ANO2: variants seen among roughly 807,000 people sequenced by gnomAD.
The protein encoded by ANO2 is anoctamin-2.
ANO2 carries 101 observed loss-of-function variants against 124.2 expected under a neutral mutation model. That is an observed-to-expected ratio of 0.81 (90% confidence interval 0.69 to 0.96). ANO2 has a LOEUF of 0.96. Among genes scored for constraint, ANO2 ranks in the 40% least tolerant of loss-of-function variants. The pLI is 0.00. For synonymous variants in ANO2, 486 were observed against 482.5 expected (o/e 1.01, Z -0.09); for missense variants, 1,293 against 1,274.5 (o/e 1.01, Z -0.22).
At chr12:5,612,878 G>A (rs1246976310) in intron 18 of ANO2, 23 bp downstream of exon 18, 1 of 1,613,688 alleles carries the variant, frequency 6.2e-7, no homozygotes, top group Non-Finnish European at 8.5e-7. Context: ...TGCCAGGCAT[G>A]AAACACCAGT....
intron 16 of ANO2, among the ~76,000 whole-genome samples, chr12:5,624,948 A>G (rs571229054): frequency 1.3e-5 from 2 of 152,278 alleles, no homozygotes; most frequent in African/African-American, 4.8e-5. Flanking sequence ...AGGGGGACGC[A>G]TCAGCCTGGG....
At position 5,704,717 on chromosome 12, in the gene ANO2, G is replaced by A. The variant is rs543160615; in HGVS notation, c.1545+27803C>T. 2.6e-5 allele frequency among the ~76,000 whole-genome samples: 4 copies of A among 151,942 alleles called. No homozygotes were observed. The East Asian group carries it at 7.7e-4, about 29-fold the overall frequency. On this transcript the variant is annotated intron_variant, in intron 14 of 24. Transcript: ENST00000682330. ...TGTGTATGTGTGTGTGTGTGTGTGT[G>A]TGTGTATCCAAAACACAGACATCCT...
rs1046006004 is a variant in ANO2, at chr12:5,876,641, T to C, written c.535-22500A>G. ...GTGGCACATATACACCATGGAACAC[T>C]ATGCAGCCATAAAAAAGATGAGTTA... On this transcript the variant is annotated intron_variant, in intron 3 of 24. Transcript: ENST00000682330. Among the ~76,000 whole-genome samples, 8 of 152,304 alleles carry C rather than the reference T, an allele frequency of 5.3e-5. No homozygotes were observed. The South Asian group carries it at 1.7e-3, about 32-fold the overall frequency.
chr12:5,778,715 T>A (rs769454784), intron 10 of ANO2, among the ~76,000 whole-genome samples: 17 of 152,184 alleles, frequency 1.1e-4, no homozygotes, highest in Non-Finnish European at 2.5e-4. Context: ...GAAAGTGTAA[T>A]GAACAATATG....
chr12:5,768,790 CT>C (rs1368287883), intron 10 of ANO2, among the ~76,000 whole-genome samples: 3 of 152,196 alleles, frequency 2.0e-5, no homozygotes, highest in African/African-American at 7.2e-5. Flanking sequence ...CTGTCTGCCC[CT>C]GAGCTGGGTA....
At chr12:5,694,350 A>G (rs1949079874) in intron 14 of ANO2, among the ~76,000 whole-genome samples, 1 of 151,892 alleles carries the variant, frequency 6.6e-6, no homozygotes, top group Admixed American at 6.6e-5. Context: ...AAGCCACAGG[A>G]GAGAGAAAGA....
intron 3 of ANO2, among the ~76,000 whole-genome samples, chr12:5,920,243 T>G (rs1442091026): frequency 6.6e-6 from 1 of 152,132 alleles, no homozygotes; most frequent in Non-Finnish European, 1.5e-5. Context: ...ATGTCCCAAC[T>G]CAGTTTCCAA....
At chr12:5,613,102 G>A in intron 17 of ANO2, 144 bp from the exon 18 acceptor site, 1 of 762,800 alleles carries the variant, frequency 1.3e-6, no homozygotes, top group Non-Finnish European at 2.3e-6. Context: ...TCAGGGATAG[G>A]AGTGCACACT....
intron 10 of ANO2, among the ~76,000 whole-genome samples, chr12:5,799,159 A>G (rs147175364): frequency 6.6e-6 from 1 of 152,358 alleles, no homozygotes; most frequent in Non-Finnish European, 1.5e-5. Context: ...TAACCCAACA[A>G]TCAGCTTCAT....
intron 4 of ANO2, among the ~76,000 whole-genome samples, chr12:5,835,675 T>A (rs1954291217): frequency 6.6e-6 from 1 of 152,250 alleles, no homozygotes; most frequent in African/African-American, 2.4e-5. Flanking sequence ...TGTTCTTGAC[T>A]GCTTTACTCC....
At chr12:5,914,948 G>C (rs1242271401) in intron 3 of ANO2, among the ~76,000 whole-genome samples, 3 of 152,202 alleles carry the variant, frequency 2.0e-5, no homozygotes, top group African/African-American at 4.8e-5. Context: ...TTCTTTAAGA[G>C]AGAGTGGGAG....
At chr12:5,734,919 G>C (rs1318797329) in intron 13 of ANO2, among the ~76,000 whole-genome samples, 3 of 152,142 alleles carry the variant, frequency 2.0e-5, no homozygotes, top group African/African-American at 7.2e-5. Context: ...CAAAGTGCTG[G>C]GATTACAGGC....
chr12:5,639,611 A>G (rs1488327827), intron 15 of ANO2, among the ~76,000 whole-genome samples: 1 of 152,124 alleles, frequency 6.6e-6, no homozygotes, highest in African/African-American at 2.4e-5. Flanking sequence ...AAATACCTAA[A>G]GGAAGGATTT....
At chr12:5,739,505 G>C in intron 12 of ANO2, 106 bp from the exon 13 acceptor site, 1 of 898,834 alleles carries the variant, frequency 1.1e-6, no homozygotes, top group Non-Finnish European at 1.7e-6. Flanking sequence ...TTTAAATTTA[G>C]GAGCTCTCTT....
At chr12:5,626,306 T>C (rs1398741796) in intron 16 of ANO2, among the ~76,000 whole-genome samples, 1 of 152,082 alleles carries the variant, frequency 6.6e-6, no homozygotes, top group African/African-American at 2.4e-5. Flanking sequence ...GGGTGTCGGA[T>C]GGCATCCTGG....
At chr12:5,802,113 A>C (rs1669825957) in intron 9 of ANO2, among the ~76,000 whole-genome samples, 1 of 152,232 alleles carries the variant, frequency 6.6e-6, no homozygotes, top group South Asian at 2.1e-4. Flanking sequence ...CACTGCCCTG[A>C]AGGCAAAAAC....
At chr12:5,921,599 C>T (rs1591795065) in intron 2 of ANO2, among the ~76,000 whole-genome samples, 1 of 152,296 alleles carries the variant, frequency 6.6e-6, no homozygotes, top group South Asian at 2.1e-4. Flanking sequence ...TGCCTTCACA[C>T]ATGCTCCAGC....
chr12:5,692,082 G>C (rs1948968119), intron 14 of ANO2, among the ~76,000 whole-genome samples: 1 of 152,154 alleles, frequency 6.6e-6, no homozygotes, highest in Non-Finnish European at 1.5e-5. Flanking sequence ...TTCAGCTAAC[G>C]TATGGAGACT....
At chr12:5,919,623 A>G (rs1487641237) in intron 3 of ANO2, among the ~76,000 whole-genome samples, 2 of 151,494 alleles carry the variant, frequency 1.3e-5, no homozygotes, top group African/African-American at 4.8e-5. Context: ...ACCCAAGATG[A>G]GGCCCGTGAC....
Sources: allele counts gnomAD v4.1 joint callset (sites outside exome capture counted in the v4.1 genomes callset), GRCh38; gene constraint gnomAD v4.1.1; transcripts MANE v1.5; gene names NCBI Gene and HGNC (gene_info 2026-07-23, HGNC 2026-07-21).